The following XXYLT1 variants were observed in gnomAD, a reference collection of about 807,000 sequenced individuals.
XXYLT1 encodes xyloside xylosyltransferase 1, also known as UDP-xylose:alpha-xyloside alpha-1,3-xylosyltransferase.
A neutral mutation model predicts 28.9 loss-of-function variants in XXYLT1; 20 were observed. The observed-to-expected ratio is 0.69, with a 90% confidence interval of 0.49 to 1.00. The LOEUF (loss-of-function observed/expected upper bound fraction) is 1.00, where lower values mean the gene tolerates loss of function less well. Ranked by LOEUF, XXYLT1 falls within the 50% of genes least tolerant of loss-of-function variation. The pLI is 0.00. For synonymous variants in XXYLT1, 257 were observed against 253.8 expected, an observed-to-expected ratio of 1.01 and a Z score of -0.12; for missense variants, 542 against 560.1, an observed-to-expected ratio of 0.97 and a Z score of 0.33.
chr3:195,219,617 G>A (rs1033037277), intron 2 of XXYLT1, among the ~76,000 whole-genome samples: 1 of 152,194 alleles, frequency 6.6e-6, no homozygotes, highest in Admixed American at 6.5e-5. Flanking sequence ...ATGCAGGCCT[G>A]TGAACCTAGG....
chr3:195,198,525 G>T (rs1196876147), intron 2 of XXYLT1, among the ~76,000 whole-genome samples: 2 of 152,114 alleles, frequency 1.3e-5, no homozygotes, highest in Non-Finnish European at 2.9e-5. Context: ...CCCAACCGAA[G>T]CCACCCTAAC....
rs1425787440 is a variant in XXYLT1 at position 195,078,272 on chromosome 3, C to T, written c.786-8161G>A. 3.9e-5 allele frequency among the ~76,000 whole-genome samples: 6 copies of T among 151,992 alleles called. No homozygotes were observed. The East Asian group carries it at 5.8e-4, about 15-fold the overall frequency. On this transcript the variant is annotated intron_variant, in intron 3 of 3. Coordinates refer to ENST00000310380, the MANE Select transcript of XXYLT1 (RefSeq NM_152531.5). The surrounding 1 kb of genome is among the most constrained non-coding windows in gnomAD (Gnocchi z 5.0). ...GGTACGGAATTCTGGAGAGTTCTGACATTTAGGGCGTGGAAGAAGAGGAGC... is the reference window on the plus strand; with the variant it reads ...GGTACGGAATTCTGGAGAGTTCTGATATTTAGGGCGTGGAAGAAGAGGAGC...
chr3:195,117,531 T>C (rs981152524), intron 3 of XXYLT1, among the ~76,000 whole-genome samples: 2 of 152,238 alleles, frequency 1.3e-5, no homozygotes, highest in African/African-American at 2.4e-5. Flanking sequence ...TAAGTGTCTA[T>C]GACTTTTATA....
intron 1 of XXYLT1, among the ~76,000 whole-genome samples, chr3:195,236,640 C>G (rs2108816597): frequency 6.6e-6 from 1 of 150,388 alleles, no homozygotes; most frequent in South Asian, 2.1e-4. Flanking sequence ...ATTCTTCCCT[C>G]TCCTTTACTC....
At chr3:195,188,027 C>T (rs113404475) in intron 2 of XXYLT1, among the ~76,000 whole-genome samples, 1 of 152,174 alleles carries the variant, frequency 6.6e-6, no homozygotes, top group African/African-American at 2.4e-5. Context: ...AACGTCTCAA[C>T]GAGCTTGCTT....
At chr3:195,263,234 A>G (rs780523474) in intron 1 of XXYLT1, among the ~76,000 whole-genome samples, 5 of 152,218 alleles carry the variant, frequency 3.3e-5, no homozygotes, top group African/African-American at 7.2e-5. Flanking sequence ...CTGCATTTTA[A>G]CATTTGTCCA....
chr3:195,201,065 A>G (rs6437463), intron 2 of XXYLT1, among the ~76,000 whole-genome samples: 5,424 of 152,252 alleles, frequency 0.036, 337 homozygotes, highest in African/African-American at 0.12. Flanking sequence ...TTTAAAAAAA[A>G]TCTCTGAGTG....
chr3:195,250,305 G>A (rs1266083568), intron 1 of XXYLT1, among the ~76,000 whole-genome samples: 1 of 152,202 alleles, frequency 6.6e-6, no homozygotes, highest in African/African-American at 2.4e-5. Context: ...GCTTACACCT[G>A]TAATCCCAGA....
chr3:195,224,879 A>C (rs891208756), intron 2 of XXYLT1, among the ~76,000 whole-genome samples: 1 of 152,232 alleles, frequency 6.6e-6, no homozygotes, highest in African/African-American at 2.4e-5. Context: ...CCCTAGGCAC[A>C]TACGTGGCTA....
At chr3:195,207,620 G>T (rs1577146959) in intron 2 of XXYLT1, 1 of 325,110 alleles carries the variant, frequency 3.1e-6, no homozygotes, top group South Asian at 2.4e-5. Flanking sequence ...AGATCCCCTT[G>T]TATCAGTTAC....
At chr3:195,266,356 G>A (rs191728222) in intron 1 of XXYLT1, among the ~76,000 whole-genome samples, 90 of 152,204 alleles carry the variant, frequency 5.9e-4, no homozygotes, top group Middle Eastern at 6.8e-3. Flanking sequence ...CTAGCTGGGT[G>A]TGGCGGTGGG....
At chr3:195,132,090 C>A (rs558842740) in intron 3 of XXYLT1, among the ~76,000 whole-genome samples, 1 of 152,160 alleles carries the variant, frequency 6.6e-6, no homozygotes, top group East Asian at 1.9e-4. Flanking sequence ...CCTGCAATAC[C>A]CAGAGGACAA....
At chr3:195,245,589 C>T (rs1474902424) in intron 1 of XXYLT1, among the ~76,000 whole-genome samples, 1 of 152,154 alleles carries the variant, frequency 6.6e-6, no homozygotes, top group African/African-American at 2.4e-5. Context: ...CGGGTGTTTG[C>T]CTCACGTGGG....
Position 195,097,813 on chromosome 3 carries a change from C to G in XXYLT1, c.786-27702G>C, listed in dbSNP as rs113684386. On this transcript the variant is annotated intron_variant, in intron 3 of 3. Transcript: ENST00000310380. ...GGAGAAAAGACCCTCACACAAATGC[C>G]CCCACCCCCCCACCACGCACACACA... is the stretch of plus-strand genomic sequence containing the variant. Among the ~76,000 whole-genome samples the G allele has an allele frequency of 2.8e-3, 427 of 152,190 alleles. 1 individual carries two copies. The highest frequency in any genetic ancestry group is 4.9e-3 in the Non-Finnish European group (330 of 68,016).
Position 195,270,761 on chromosome 3 carries a change from G to A in XXYLT1, c.298C>T (p.His100Tyr). The A allele has an allele frequency of 2.1e-5, 34 of 1,582,752 alleles. No individual in the cohort carries two copies. The highest frequency in any genetic ancestry group is 2.9e-5 in the Non-Finnish European group (34 of 1,169,042). Residue 100 changes from histidine (H) to tyrosine (Y), a missense_variant, in exon 1 of 4, where the codon CAC (histidine) becomes TAC (tyrosine). Transcript: ENST00000310380. ...EGGGAGPVDYHLLMMFTKAEH... is the reference protein window; with the variant it reads ...EGGGAGPVDYYLLMMFTKAEH... ...GCCTTGGTGAACATCATCAGCAGGT[G>A]GTAGTCCACCGGCCCGGCACCGCCG...
At chr3:195,084,163 G>A (rs977360105) in intron 3 of XXYLT1, among the ~76,000 whole-genome samples, 15 of 152,176 alleles carry the variant, frequency 9.9e-5, no homozygotes, top group Non-Finnish European at 1.5e-4. Context: ...GATTCCTAGC[G>A]GGCTTTGGTT....
intron 3 of XXYLT1, among the ~76,000 whole-genome samples, chr3:195,122,843 T>A (rs1173756453): frequency 6.6e-6 from 1 of 152,182 alleles, no homozygotes; most frequent in Non-Finnish European, 1.5e-5. Context: ...TCACTGTGCC[T>A]GGGGCTGTTT....
intron 3 of XXYLT1, among the ~76,000 whole-genome samples, chr3:195,120,134 C>A (rs1718271442): frequency 6.6e-6 from 1 of 152,234 alleles, no homozygotes; most frequent in African/African-American, 2.4e-5. Flanking sequence ...GGCCTCTATC[C>A]AGGTTCCACG....
At position 195,150,894 on chromosome 3, in the gene XXYLT1, T is replaced by TCTCCCTCTCC. The variant is rs1560121968; in HGVS notation, c.785+5554_785+5555insGGAGAGGGAG. 4.7e-5 allele frequency among the ~76,000 whole-genome samples: 7 copies of TCTCCCTCTCC among 150,522 alleles called. No individual in the cohort carries two copies. Among genetic ancestry groups the TCTCCCTCTCC allele is most frequent in the African/African-American group, 1.7e-4 (7 of 40,370 alleles). ...CTCTCTCCCTCTCCCTCTCCCTCTCTCTCTCTCCATCACTCCAGGGTCAGC... is the reference window on the plus strand; with the variant it reads ...CTCTCTCCCTCTCCCTCTCCCTCTCTCTCCCTCTCCCTCTCTCCATCACTCCAGGGTCAGC... On this transcript the variant is annotated intron_variant, in intron 3 of 3. Transcript: ENST00000310380. The surrounding 1 kb of genome is among the most constrained non-coding windows in gnomAD (Gnocchi z 4.7).
Sources: allele counts gnomAD v4.1 joint callset (sites outside exome capture counted in the v4.1 genomes callset), GRCh38; gene constraint gnomAD v4.1.1; non-coding constraint Gnocchi (gnomAD v3.1); transcripts MANE v1.5; gene names NCBI Gene and HGNC (gene_info 2026-07-23, HGNC 2026-07-21).